Variants in ZNF704 observed in about 807,000 individuals in gnomAD.
ZNF704 encodes the protein zinc finger protein 704.
ZNF704 carries 10 observed loss-of-function variants against 44.7 expected under a neutral mutation model. The observed-to-expected ratio is 0.22, with a 90% CI of 0.14 to 0.38. ZNF704 has a LOEUF of 0.38. ZNF704 is among the 10% of genes least tolerant of loss of function. The probability of loss-of-function intolerance (pLI) is 1.00; values close to 1 mark genes in which losing one functional copy is unlikely to be tolerated. For missense variants in ZNF704, 390 were observed against 545.5 expected, an observed-to-expected ratio of 0.71 and a Z score of 2.84; for synonymous variants, 211 against 207.6, an observed-to-expected ratio of 1.02 and a Z score of -0.14.
At chr8:80,767,745 T>C (rs1807251967) in intron 2 of ZNF704, among the ~76,000 whole-genome samples, 1 of 152,214 alleles carries the variant, frequency 6.6e-6, no homozygotes, top group African/African-American at 2.4e-5. Flanking sequence ...TGTTCTCTTA[T>C]AAGCACCTTT....
At chr8:80,822,169 G>A (rs193141062) in intron 1 of ZNF704, among the ~76,000 whole-genome samples, 182 of 151,924 alleles carry the variant, frequency 1.2e-3, no homozygotes, top group African/African-American at 4.0e-3. Context: ...TGTGCACAAC[G>A]TGCAGGTTTG....
At chr8:80,641,573 A>G (rs1421864972) in intron 8 of ZNF704, 96 bp from the exon 9 acceptor site, 3 of 575,660 alleles carry the variant, frequency 5.2e-6, no homozygotes, top group Non-Finnish European at 8.2e-6. Flanking sequence ...AGGGAGGAAA[A>G]AAAAAAAAAA....
intron 1 of ZNF704, among the ~76,000 whole-genome samples, chr8:80,841,996 T>G (rs1808688833): frequency 6.6e-6 from 1 of 152,118 alleles, no homozygotes. Flanking sequence ...TGGGTCTCCC[T>G]TTGTCGCCCA....
intron 7 of ZNF704, among the ~76,000 whole-genome samples, chr8:80,646,515 A>T (rs1423929597): frequency 6.6e-6 from 1 of 152,136 alleles, no homozygotes; most frequent in Non-Finnish European, 1.5e-5. Context: ...TAAAAATCTA[A>T]CATTTGGAAC....
chr8:80,862,275 T>C (rs1586082919), intron 1 of ZNF704, among the ~76,000 whole-genome samples: 1 of 152,230 alleles, frequency 6.6e-6, no homozygotes, highest in East Asian at 1.9e-4. Flanking sequence ...AAGCTAGGCA[T>C]AGTTTACAAA....
At chr8:80,882,307 T>C in the ZNF704 span, among the ~76,000 whole-genome samples, 7 of 152,252 alleles carry the variant, frequency 4.6e-5, no homozygotes, top group African/African-American at 1.7e-4. Flanking sequence ...ATTCTCTCCC[T>C]TGCCACTTTG....
chr8:80,744,746 T>G (rs182206722), intron 2 of ZNF704, among the ~76,000 whole-genome samples: 2 of 152,156 alleles, frequency 1.3e-5, no homozygotes, highest in African/African-American at 4.8e-5. Flanking sequence ...CCTTTTACCA[T>G]TGGGGAGGCC....
At chr8:80,838,327 G>C (rs1423587389) in intron 1 of ZNF704, among the ~76,000 whole-genome samples, 5 of 152,164 alleles carry the variant, frequency 3.3e-5, no homozygotes, top group African/African-American at 1.2e-4. Flanking sequence ...CTTCTGATAT[G>C]TATAAATAAA....
intron 7 of ZNF704, among the ~76,000 whole-genome samples, chr8:80,649,118 T>C (rs1817875568): frequency 6.6e-6 from 1 of 152,206 alleles, no homozygotes; most frequent in East Asian, 1.9e-4. Flanking sequence ...TCTAGCTAAA[T>C]AAAATTATTG....
At chr8:80,817,390 T>C (rs1464403057) in intron 2 of ZNF704, among the ~76,000 whole-genome samples, 1 of 152,208 alleles carries the variant, frequency 6.6e-6, no homozygotes, top group Non-Finnish European at 1.5e-5. Flanking sequence ...GGATTACCAA[T>C]GCAGGACTCC....
At chr8:80,773,528 T>C (rs1807360151) in intron 2 of ZNF704, among the ~76,000 whole-genome samples, 1 of 152,236 alleles carries the variant, frequency 6.6e-6, no homozygotes, top group African/African-American at 2.4e-5. Context: ...GAGAATGTTA[T>C]ATTTACATGT....
At chr8:80,793,601 T>C (rs1258411437) in intron 2 of ZNF704, among the ~76,000 whole-genome samples, 2 of 152,134 alleles carry the variant, frequency 1.3e-5, no homozygotes, top group African/African-American at 2.4e-5. Flanking sequence ...TAACAAAGTA[T>C]TAATAGTAGT....
Position 80,759,205 on chromosome 8 carries a change from C to G in ZNF704, c.221+62169G>C, listed in dbSNP as rs184077320. Among the ~76,000 whole-genome samples, 410 of 151,818 alleles carry G rather than the reference C, an allele frequency of 2.7e-3. 2 individuals are homozygous for G. The highest frequency in any genetic ancestry group is 9.0e-3 in the African/African-American group (371 of 41,378). On this transcript the variant is annotated intron_variant, in intron 2 of 8. Coordinates refer to ENST00000327835, the MANE Select transcript of ZNF704 (RefSeq NM_001033723.3). ...GGACTGTGGGCACCTGAGCAGTTAA[C>G]TAGAATGTTCAGCTTTGTAGACTTT... is the stretch of plus-strand genomic sequence containing the variant.
intron 2 of ZNF704, among the ~76,000 whole-genome samples, chr8:80,807,599 G>A (rs550794276): frequency 2.6e-5 from 4 of 151,984 alleles, no homozygotes; most frequent in Middle Eastern, 3.4e-3. Flanking sequence ...ATATGCGCTC[G>A]TTTAGCTTAT....
intron 3 of ZNF704, among the ~76,000 whole-genome samples, chr8:80,690,060 TA>T (rs376882889): frequency 0.037 from 5,117 of 136,780 alleles, 220 homozygotes; most frequent in African/African-American, 0.11. Context: ...CTTTTTTTCC[TA>T]AAAAAAAAAA....
chr8:80,639,131 A>C lies in ZNF704; in HGVS notation c.*2235T>G, dbSNP rs1817704322. ...GATGGATTTTATACTTCATGACTTG[A>C]ATCTTTTTCTATTAGTAACAGTCCA... On this transcript the variant is annotated 3_prime_UTR_variant, in exon 9 of 9. Coordinates refer to ENST00000327835, the MANE Select transcript of ZNF704 (RefSeq NM_001033723.3). 6.6e-6 allele frequency: 1 copy of C among 152,310 alleles called. No homozygotes were observed. Among genetic ancestry groups the C allele is most frequent in the Non-Finnish European group, 1.5e-5 (1 of 68,108 alleles). 9.4% of individuals were successfully genotyped at this position (152,310 alleles called of 1,614,324 possible).
intron 2 of ZNF704, among the ~76,000 whole-genome samples, chr8:80,784,744 G>A (rs1363328647): frequency 6.6e-6 from 1 of 152,030 alleles, no homozygotes; most frequent in Non-Finnish European, 1.5e-5. Context: ...TTTTAATTTT[G>A]ACGAAGTACA....
chr8:80,854,264 T>C (rs555464335), intron 1 of ZNF704, among the ~76,000 whole-genome samples: 1 of 152,316 alleles, frequency 6.6e-6, no homozygotes, highest in East Asian at 1.9e-4. Flanking sequence ...TGTTAACCCT[T>C]AAAAGTAAAG....
intron 1 of ZNF704, among the ~76,000 whole-genome samples, chr8:80,866,828 T>G (rs1280798244): frequency 1.3e-5 from 2 of 152,176 alleles, no homozygotes; most frequent in African/African-American, 4.8e-5. Context: ...GGTATCACTA[T>G]GTTGCCCAGG....
Sources: allele counts gnomAD v4.1 joint callset (sites outside exome capture counted in the v4.1 genomes callset), GRCh38; gene constraint gnomAD v4.1.1; transcripts MANE v1.5; gene names NCBI Gene and HGNC (gene_info 2026-07-23, HGNC 2026-07-21).